H4C2: variants seen among roughly 807,000 people sequenced by gnomAD.
H4C2 encodes H4 clustered histone 2.
In H4C2, 8 loss-of-function variants were observed where a neutral mutation model predicts 5.0. That is an observed-to-expected ratio of 1.61 (90% confidence interval 0.94 to 2.90). The LOEUF (loss-of-function observed/expected upper bound fraction) is 2.90. H4C2 is among the 30% of genes most tolerant of loss of function. H4C2 has a pLI of 0.00. For missense variants in H4C2, 267 were observed against 145.6 expected, an observed-to-expected ratio of 1.83 and a Z score of -4.29; for synonymous variants, 145 against 54.0, an observed-to-expected ratio of 2.69 and a Z score of -7.39.
rs777969227 is a variant in H4C2 at position 26,027,224 on chromosome 6, C to A, written c.29G>T (p.Gly10Val). 6.2e-7 allele frequency: 1 copy of A among 1,607,322 alleles called. No homozygotes were observed. The highest frequency in any genetic ancestry group is 8.5e-7 in the Non-Finnish European group (1 of 1,174,130). The change falls in exon 1 of 1, where the codon GGT becomes GTT. Residue 10 changes from glycine (G) to valine (V), a missense_variant. Transcript: ENST00000377745. ...ACGCTTGGCACCTCCCTTACCCAAA[C>A]CTTTACCGCCTTTGCCGCGACCAGA... MSGRGKGGKGLGKGGAKRHR... is the reference protein window; with the variant it reads MSGRGKGGKVLGKGGAKRHR...
At position 26,027,227 on chromosome 6, in the gene H4C2, T is replaced by C; in HGVS notation, c.26A>G (p.Lys9Arg). MSGRGKGG[K>R]GLGKGGAKRH... ...CTTGGCACCTCCCTTACCCAAACCT[T>C]TACCGCCTTTGCCGCGACCAGACAT... is the stretch of plus-strand genomic sequence containing the variant. The change falls in exon 1 of 1, where the codon AAA becomes AGA. Residue 9 changes from lysine to arginine, a missense_variant. Lys to Arg is a conservative substitution (Grantham distance 26, BLOSUM62 2). Transcript: ENST00000377745. 6.2e-7 allele frequency: 1 copy of C among 1,606,812 alleles called. No individual in the cohort carries two copies. The highest frequency in any genetic ancestry group is 8.5e-7 in the Non-Finnish European group (1 of 1,173,746).
At position 26,027,143 on chromosome 6, in the gene H4C2, C is replaced by G; in HGVS notation, c.110G>C (p.Arg37Pro). The change falls in exon 1 of 1, where the codon CGC (arginine) becomes CCC (proline). Residue 37 changes from arginine (R) to proline (P), a missense_variant. By Grantham distance (103) the Arg-to-Pro change is moderately radical (BLOSUM62 -2). Transcript: ENST00000377745. ...IQGITKPAIR[R>P]LARRGGVKRI... is the part of the protein sequence containing the mutation. ...CTTAACCCCACCACGCCTAGCAAGGCGCCGAATGGCCGGTTTGGTGATGCC... is the reference window on the plus strand; with the variant it reads ...CTTAACCCCACCACGCCTAGCAAGGGGCCGAATGGCCGGTTTGGTGATGCC... 1 of 1,614,260 alleles carries G rather than the reference C, an allele frequency of 6.2e-7. No individual in the cohort carries two copies. The highest frequency in any genetic ancestry group is 8.5e-7 in the Non-Finnish European group (1 of 1,180,052).
At position 26,027,226 on chromosome 6, in the gene H4C2, T is replaced by C. The variant is rs1467122274; in HGVS notation, c.27A>G (p.Lys9=). The part of the protein sequence containing the change: MSGRGKGG[K]GLGKGGAKRH... ...GCTTGGCACCTCCCTTACCCAAACCTTTACCGCCTTTGCCGCGACCAGACA... is the reference window on the plus strand; with the variant it reads ...GCTTGGCACCTCCCTTACCCAAACCCTTACCGCCTTTGCCGCGACCAGACA... Residue 9 remains lysine (K), a synonymous_variant, in exon 1 of 1, where the codon AAA becomes AAG. Transcript: ENST00000377745. The C allele has an allele frequency of 1.9e-6, 3 of 1,606,534 alleles. No homozygotes were observed. Among genetic ancestry groups the C allele is most frequent in the East Asian group, 2.2e-5 (1 of 44,636 alleles).
rs1561917024 is a variant in H4C2 at position 26,027,129 on chromosome 6, C to CT, written c.123_124insA (p.Gly42ArgfsTer4). 2 of 1,614,226 alleles carry CT rather than the reference C, an allele frequency of 1.2e-6. No individual in the cohort carries two copies. The highest frequency in any genetic ancestry group is 2.2e-5 in the South Asian group (2 of 91,082). ...AAACCGGAAATTCGCTTAACCCCAC[C>CT]ACGCCTAGCAAGGCGCCGAATGGCC... On this transcript the variant is annotated frameshift_variant, in exon 1 of 1. Transcript: ENST00000377745. LOFTEE classifies it high-confidence loss of function.
rs1561916957 is a variant in H4C2 at position 26,027,083 on chromosome 6, CCA to C, written c.168_169del (p.Gly57ArgfsTer?). The C allele has an allele frequency of 1.9e-6, 3 of 1,614,210 alleles. No homozygotes were observed. Among genetic ancestry groups the C allele is most frequent in the Admixed American group, 3.3e-5 (2 of 60,030 alleles). ...GTTCTCCAGAAACACCTTGAGAACG[CCA>C]CGAGTCTCCTCATAAATCAAACCGG... is the stretch of plus-strand genomic sequence containing the variant. On this transcript the variant is annotated frameshift_variant, in exon 1 of 1. Transcript: ENST00000377745. LOFTEE classifies it high-confidence loss of function.
chr6:26,027,092 T>TCCTC lies in H4C2; in HGVS notation c.157_160dup (p.Glu54GlyfsTer?). 2 of 1,614,084 alleles carry TCCTC rather than the reference T, an allele frequency of 1.2e-6. No homozygotes were observed. Among genetic ancestry groups the TCCTC allele is most frequent in the Non-Finnish European group, 1.7e-6 (2 of 1,180,002 alleles). ...AAACACCTTGAGAACGCCACGAGTC[T>TCCTC]CCTCATAAATCAAACCGGAAATTCG... is the stretch of plus-strand genomic sequence containing the variant. On this transcript the variant is annotated frameshift_variant, in exon 1 of 1. Transcript: ENST00000377745. LOFTEE classifies it high-confidence loss of function.
Position 26,027,035 on chromosome 6 carries a change from T to C in H4C2, c.218A>G (p.Tyr73Cys). The change falls in exon 1 of 1, where the codon TAC becomes TGC. Residue 73 changes from tyrosine to cysteine, a missense_variant. By Grantham distance (194) the Tyr-to-Cys change is radical (BLOSUM62 -2). Transcript: ENST00000377745. ...AGTCTTGCGCTTGGCGTGCTCCGTG[T>C]AGGTCACGGCGTCCCGGATCACGTT... Reference protein sequence around the residue: ...LENVIRDAVTYTEHAKRKTVT... With the variant: ...LENVIRDAVTCTEHAKRKTVT... 6.2e-7 allele frequency: 1 copy of C among 1,614,194 alleles called. No homozygotes were observed. The highest frequency in any genetic ancestry group is 2.2e-5 in the East Asian group (1 of 44,886).
chr6:26,026,898 G>T lies in H4C2; in HGVS notation c.*43C>A. The stretch of plus-strand genomic sequence containing the variant: ...TCACAGCTCTTTCTGAGAGGGAGTG[G>T]GCGGCCCTGAAAAGGGCCATTGGAA... On this transcript the variant is annotated 3_prime_UTR_variant, in exon 1 of 1. Coordinates refer to ENST00000377745, the MANE Select transcript of H4C2 (RefSeq NM_003544.3). The T allele has an allele frequency of 6.7e-7, 1 of 1,500,370 alleles. No individual in the cohort carries two copies. Among genetic ancestry groups the T allele is most frequent in the Non-Finnish European group, 9.1e-7 (1 of 1,094,540 alleles). 92.9% of individuals were successfully genotyped at this position (1,500,370 alleles called of 1,614,324 possible).
At position 26,026,975 on chromosome 6, in the gene H4C2, C is replaced by T. The variant is rs1277696024; in HGVS notation, c.278G>A (p.Arg93His). 1 of 1,613,922 alleles carries T rather than the reference C, an allele frequency of 6.2e-7. No individual in the cohort carries two copies. The change falls in exon 1 of 1, where the codon CGT becomes CAT. Residue 93 changes from arginine to histidine, a missense_variant. By Grantham distance (29) the Arg-to-His change is conservative. Coordinates refer to ENST00000377745, the MANE Select transcript of H4C2 (RefSeq NM_003544.3). ...TAMDVVYALK[R>H]QGRTLYGFGG Reference sequence around the variant, plus strand: ...GAAGCCGTACAGAGTGCGTCCTTGACGCTTGAGCGCGTAAACCACATCCAT... The same window carrying T: ...GAAGCCGTACAGAGTGCGTCCTTGATGCTTGAGCGCGTAAACCACATCCAT...
rs749571332 is a variant in H4C2, at chr6:26,027,242, C to A, written c.11G>T (p.Arg4Leu). ...ACCCAAACCTTTACCGCCTTTGCCG[C>A]GACCAGACATGTCTAACCAGCTGAC... MSG[R>L]GKGGKGLGKG... Residue 4 changes from arginine to leucine, a missense_variant, in exon 1 of 1, where the codon CGC (arginine) becomes CTC (leucine). Physicochemically the swap from Arg to Leu is moderately radical, Grantham distance 102. Transcript: ENST00000377745. 2 of 1,604,404 alleles carry A rather than the reference C, an allele frequency of 1.2e-6. No homozygotes were observed. Among genetic ancestry groups the A allele is most frequent in the Non-Finnish European group, 1.7e-6 (2 of 1,171,856 alleles).
At position 26,027,139 on chromosome 6, in the gene H4C2, AAGGCGCCGAATGGCCGGTTTGGTG is replaced by A. The variant is rs1275095230; in HGVS notation, c.90_113del (p.Thr31_Leu38del). The A allele has an allele frequency of 6.2e-7, 1 of 1,614,106 alleles. No individual in the cohort carries two copies. Among genetic ancestry groups the A allele is most frequent in the African/African-American group, 1.3e-5 (1 of 74,944 alleles). On this transcript the variant is annotated inframe_deletion, in exon 1 of 1. Transcript: ENST00000377745. The stretch of plus-strand genomic sequence containing the variant: ...TTCGCTTAACCCCACCACGCCTAGC[AAGGCGCCGAATGGCCGGTTTGGTG>A]ATGCCTTGGATGTTATCCCGCAGCA...
chr6:26,026,984 G>A lies in H4C2; in HGVS notation c.269C>T (p.Ala90Val), dbSNP rs148427340. Residue 90 changes from alanine to valine, a missense_variant, in exon 1 of 1, where the codon GCG becomes GTG. Ala to Val is a moderately conservative substitution (Grantham distance 64). Coordinates refer to ENST00000377745, the MANE Select transcript of H4C2 (RefSeq NM_003544.3). ...CAGAGTGCGTCCTTGACGCTTGAGC[G>A]CGTAAACCACATCCATGGCAGTGAC... is the stretch of plus-strand genomic sequence containing the variant. ...KTVTAMDVVY[A>V]LKRQGRTLYG... The A allele has an allele frequency of 3.7e-6, 6 of 1,614,100 alleles. No homozygotes were observed. Among genetic ancestry groups the A allele is most frequent in the Non-Finnish European group, 5.1e-6 (6 of 1,179,960 alleles).
At position 26,027,241 on chromosome 6, in the gene H4C2, G is replaced by T. The variant is rs569686893; in HGVS notation, c.12C>A (p.Arg4=). Residue 4 remains arginine, a synonymous_variant, in exon 1 of 1, where the codon CGC becomes CGA. Transcript: ENST00000377745. The part of the protein sequence containing the change: MSG[R]GKGGKGLGKG... ...TACCCAAACCTTTACCGCCTTTGCC[G>T]CGACCAGACATGTCTAACCAGCTGA... 1 of 1,604,894 alleles carries T rather than the reference G, an allele frequency of 6.2e-7. No homozygotes were observed.
In H4C2 at chr6:26,026,922, A is replaced by T; in HGVS notation, c.*19T>A. 6.3e-7 allele frequency: 1 copy of T among 1,592,178 alleles called. No homozygotes were observed. Among genetic ancestry groups the T allele is most frequent in the South Asian group, 1.1e-5 (1 of 87,586 alleles). ...GGGCGGCCCTGAAAAGGGCCATTGG[A>T]AGAAAACTGACGAAAAGATTAACCG... On this transcript the variant is annotated 3_prime_UTR_variant, in exon 1 of 1. Transcript: ENST00000377745.
In H4C2 at chr6:26,027,260, C is replaced by T. The variant is rs377490120; in HGVS notation, c.-8G>A. On this transcript the variant is annotated 5_prime_UTR_variant, in exon 1 of 1. Transcript: ENST00000377745. Reference sequence around the variant, plus strand: ...TTTGCCGCGACCAGACATGTCTAACCAGCTGACAACAAAAACCAGGTACGC... The same window carrying T: ...TTTGCCGCGACCAGACATGTCTAACTAGCTGACAACAAAAACCAGGTACGC... The T allele has an allele frequency of 2.9e-5, 46 of 1,589,196 alleles. No individual in the cohort carries two copies. Among genetic ancestry groups the T allele is most frequent in the African/African-American group, 1.8e-4 (13 of 74,224 alleles).
At position 26,027,276 on chromosome 6, in the gene H4C2, C is replaced by T. The variant is rs182646611; in HGVS notation, c.-24G>A. On this transcript the variant is annotated 5_prime_UTR_variant, in exon 1 of 1. Coordinates refer to ENST00000377745, the MANE Select transcript of H4C2 (RefSeq NM_003544.3). Reference sequence around the variant, plus strand: ...ATGTCTAACCAGCTGACAACAAAAACCAGGTACGCGAAAAGAAAGCAAGCC... The same window carrying T: ...ATGTCTAACCAGCTGACAACAAAAATCAGGTACGCGAAAAGAAAGCAAGCC... 2,974 of 1,579,882 alleles carry T rather than the reference C, an allele frequency of 1.9e-3. 74 individuals are homozygous for T. In the Admixed American group the frequency reaches 0.047, roughly 25 times the overall value.
In H4C2 at chr6:26,026,950, G is replaced by A. The variant is rs149602824; in HGVS notation, c.303C>T (p.Phe101=). 2.8e-4 allele frequency: 453 copies of A among 1,610,008 alleles called. 2 individuals carry two copies. The highest frequency in any genetic ancestry group is 4.0e-4 in the African/African-American group (30 of 74,926). ...LKRQGRTLYG[F]GG Reference sequence around the variant, plus strand: ...AAAACTGACGAAAAGATTAACCGCCGAAGCCGTACAGAGTGCGTCCTTGAC... The same window carrying A: ...AAAACTGACGAAAAGATTAACCGCCAAAGCCGTACAGAGTGCGTCCTTGAC... Residue 101 remains phenylalanine (F), a synonymous_variant, in exon 1 of 1, where the codon TTC becomes TTT. Transcript: ENST00000377745.
rs3752420 is a variant in H4C2, at chr6:26,026,907, G to A, written c.*34C>T. ...TTTCTGAGAGGGAGTGGGCGGCCCT[G>A]AAAAGGGCCATTGGAAGAAAACTGA... On this transcript the variant is annotated 3_prime_UTR_variant, in exon 1 of 1. Transcript: ENST00000377745. 634,494 of 1,565,770 alleles carry A rather than the reference G, an allele frequency of 0.41. 133,959 individuals carry two copies. The highest frequency in any genetic ancestry group is 0.72 in the East Asian group (31,908 of 44,532).
rs778075262 is a variant in H4C2 at position 26,027,150 on chromosome 6, T to A, written c.103A>T (p.Ile35Phe). The change falls in exon 1 of 1, where the codon ATT becomes TTT. Residue 35 changes from isoleucine to phenylalanine, a missense_variant. Ile to Phe is a conservative substitution (Grantham distance 21, BLOSUM62 0). Transcript: ENST00000377745. ...CCACCACGCCTAGCAAGGCGCCGAATGGCCGGTTTGGTGATGCCTTGGATG... is the reference window on the plus strand; with the variant it reads ...CCACCACGCCTAGCAAGGCGCCGAAAGGCCGGTTTGGTGATGCCTTGGATG... ...DNIQGITKPA[I>F]RRLARRGGVK... 36 of 1,614,122 alleles carry A rather than the reference T, an allele frequency of 2.2e-5. No homozygotes were observed. Among genetic ancestry groups the A allele is most frequent in the Non-Finnish European group, 8.5e-7 (1 of 1,180,042 alleles).
Sources: gnomAD v4.1 joint callset for allele counts on GRCh38, gnomAD v4.1.1 for gene constraint, MANE v1.5 for transcripts, NCBI Gene and HGNC (gene_info 2026-07-23, HGNC 2026-07-21) for gene names.